The following PNPLA8 variants were observed in gnomAD, a reference collection of about 807,000 sequenced individuals.
PNPLA8 encodes patatin like domain 8, phospholipase A2, also known as calcium-independent phospholipase A2-gamma.
A neutral mutation model predicts 76.9 loss-of-function variants in PNPLA8; 39 were observed. The observed-to-expected ratio is 0.51, with a 90% CI of 0.39 to 0.66. The LOEUF is 0.66. PNPLA8 is among the 30% of genes least tolerant of loss of function. PNPLA8 has a pLI of 0.00. For synonymous variants in PNPLA8, 301 were observed against 307.9 expected (o/e 0.98, Z 0.24); for missense variants, 887 against 918.0 (o/e 0.97, Z 0.44).
intron 7 of PNPLA8, among the ~76,000 whole-genome samples, chr7:108,493,112 T>C (rs897217726): frequency 6.6e-6 from 1 of 152,174 alleles, no homozygotes; most frequent in African/African-American, 2.4e-5. Context: ...ATCATCATTG[T>C]TTTAAGCCAC....
At chr7:108,510,161 A>G in intron 4 of PNPLA8, 1 of 704,138 alleles carries the variant, frequency 1.4e-6, no homozygotes, top group Non-Finnish European at 2.3e-6. Context: ...CATGTACCCT[A>G]AAACTTAAAG....
chr7:108,473,055 CA>C (rs1859736709), intron 10 of PNPLA8, among the ~76,000 whole-genome samples: 1 of 152,104 alleles, frequency 6.6e-6, no homozygotes, highest in South Asian at 2.1e-4. Flanking sequence ...CAAGTTTTGA[CA>C]AATGTATACA....
At chr7:108,509,740 C>A (rs1278816710) in intron 4 of PNPLA8, among the ~76,000 whole-genome samples, 2 of 149,762 alleles carry the variant, frequency 1.3e-5, no homozygotes, top group East Asian at 2.0e-4. Flanking sequence ...ATGTTTATTG[C>A]GGCATTATTC....
chr7:108,502,298 C>A (rs1457875904), intron 5 of PNPLA8, among the ~76,000 whole-genome samples, 193 bp downstream of exon 5: 1 of 151,450 alleles, frequency 6.6e-6, no homozygotes, highest in Non-Finnish European at 1.5e-5. Flanking sequence ...CAAAAATTAG[C>A]CGGGTATGGT....
At chr7:108,522,431 T>G (rs1863811652) in intron 1 of PNPLA8, among the ~76,000 whole-genome samples, 1 of 152,182 alleles carries the variant, frequency 6.6e-6, no homozygotes, top group Non-Finnish European at 1.5e-5. Context: ...TTTCTTCTAC[T>G]GATAGTAACT....
chr7:108,500,812 C>T (rs1478037021), intron 5 of PNPLA8, among the ~76,000 whole-genome samples: 1 of 151,940 alleles, frequency 6.6e-6, no homozygotes, highest in Non-Finnish European at 1.5e-5. Context: ...GGGGAGGCTA[C>T]AGCAGGAGAA....
intron 4 of PNPLA8, among the ~76,000 whole-genome samples, chr7:108,503,413 C>T (rs1486620295): frequency 6.6e-6 from 1 of 152,128 alleles, no homozygotes; most frequent in Non-Finnish European, 1.5e-5. Flanking sequence ...CATTTTGTTT[C>T]TTTTTTATGA....
intron 4 of PNPLA8, chr7:108,510,413 A>C: frequency 6.6e-7 from 1 of 1,515,930 alleles, no homozygotes; most frequent in Non-Finnish European, 9.1e-7. Context: ...CAGGGAATAT[A>C]GGCAGATGTA....
rs559938051 is a variant in PNPLA8 at position 108,475,958 on chromosome 7, T to C, written c.2074+3226A>G. On this transcript the variant is annotated intron_variant, in intron 10 of 10. Transcript: ENST00000257694. ...AGGAAGTCTTAACTCTCTTTTAAAA[T>C]GTCCAAATCCTATACATCCTTTAAG... Among the ~76,000 whole-genome samples, 86 of 152,210 alleles carry C rather than the reference T, an allele frequency of 5.7e-4. 1 individual carries two copies. Among genetic ancestry groups the C allele is most frequent in the Non-Finnish European group, 1.1e-3 (74 of 68,036 alleles).
intron 10 of PNPLA8, among the ~76,000 whole-genome samples, chr7:108,474,787 ATATGTCTATC>A (rs1859868558): frequency 6.6e-6 from 1 of 152,208 alleles, no homozygotes; most frequent in African/African-American, 2.4e-5. Context: ...CCATTGATTT[ATATGTCTATC>A]TTTATTCAAA....
At position 108,490,579 on chromosome 7, in the gene PNPLA8, C is replaced by T. The variant is rs1297746345; in HGVS notation, c.1683+831G>A. On this transcript the variant is annotated intron_variant, in intron 8 of 10. Coordinates refer to ENST00000257694, the MANE Select transcript of PNPLA8 (RefSeq NM_001256007.3). ...TGGGCGAATCACGAGGTCAGGAGATCGAGACTATCCTGGCTAACATGGTGA... is the reference window on the plus strand; with the variant it reads ...TGGGCGAATCACGAGGTCAGGAGATTGAGACTATCCTGGCTAACATGGTGA... Among the ~76,000 whole-genome samples, 5 of 151,768 alleles carry T rather than the reference C, an allele frequency of 3.3e-5. No homozygotes were observed. In the East Asian group the frequency reaches 5.8e-4, roughly 18 times the overall value.
At chr7:108,512,059 G>T (rs40876) in intron 4 of PNPLA8, among the ~76,000 whole-genome samples, 60,799 of 152,034 alleles carry the variant, frequency 0.4, 12,702 homozygotes, top group African/African-American at 0.48. Context: ...ACAGAAATCA[G>T]AGAGGAAGAC....
chr7:108,475,749 T>C (rs930948132), intron 10 of PNPLA8, among the ~76,000 whole-genome samples: 7 of 152,136 alleles, frequency 4.6e-5, no homozygotes, highest in Non-Finnish European at 8.8e-5. Context: ...TGCTATAGTG[T>C]AGAAACTCTT....
intron 2 of PNPLA8, chr7:108,518,094 G>A (rs2154516975): frequency 1.3e-5 from 2 of 152,380 alleles, no homozygotes; most frequent in South Asian, 4.1e-4. Flanking sequence ...CATGGTAGAA[G>A]GTACTAACTA....
intron 4 of PNPLA8, among the ~76,000 whole-genome samples, chr7:108,512,195 T>C (rs1862984291): frequency 6.6e-6 from 1 of 152,214 alleles, no homozygotes; most frequent in African/African-American, 2.4e-5. Flanking sequence ...TTTTGTTAAG[T>C]CACTGAGATT....
At chr7:108,489,730 A>G (rs368799699) in intron 8 of PNPLA8, among the ~76,000 whole-genome samples, 130 of 152,346 alleles carry the variant, frequency 8.5e-4, no homozygotes, top group African/African-American at 3.1e-3. Flanking sequence ...TAAGAGCAAC[A>G]GAAAGAGCTG....
chr7:108,524,036 T>C (rs1455409796), intron 1 of PNPLA8, among the ~76,000 whole-genome samples: 13 of 152,342 alleles, frequency 8.5e-5, no homozygotes, highest in Non-Finnish European at 1.2e-4. Flanking sequence ...ACACATTTTC[T>C]TTTGGATTCA....
intron 9 of PNPLA8, 134 bp from the exon 10 acceptor site, chr7:108,479,513 G>A (rs1021696606): frequency 1.6e-6 from 1 of 636,610 alleles, no homozygotes; most frequent in South Asian, 2.1e-5. Flanking sequence ...GACTACAGCT[G>A]CAAAAAAATC....
chr7:108,483,742 T>C (rs1860558545), intron 9 of PNPLA8, among the ~76,000 whole-genome samples: 1 of 152,234 alleles, frequency 6.6e-6, no homozygotes, highest in Non-Finnish European at 1.5e-5. Context: ...TTGCTGAGCT[T>C]TGTAAAAATC....
Sources: allele counts gnomAD v4.1 joint callset (sites outside exome capture counted in the v4.1 genomes callset), GRCh38; gene constraint gnomAD v4.1.1; transcripts MANE v1.5; gene names NCBI Gene and HGNC (gene_info 2026-07-23, HGNC 2026-07-21).